The following POLN variants were observed in gnomAD, a reference collection of about 807,000 sequenced individuals.
POLN encodes DNA polymerase N.
Under a neutral mutation model 113.5 loss-of-function variants are expected in POLN, and 108 were observed. The observed-to-expected ratio is 0.95, with a 90% CI of 0.81 to 1.12. The LOEUF (loss-of-function observed/expected upper bound fraction) is 1.12, where lower values mean the gene tolerates loss of function less well. POLN is among the 50% of genes most tolerant of loss of function. POLN has a pLI of 0.00. For synonymous variants in POLN, 386 were observed against 391.5 expected (o/e 0.99, Z 0.17); for missense variants, 1,097 against 1,077.1 (o/e 1.02, Z -0.26).
chr4:2,074,497 A>ATTTCACACGTTT, intron 24 of POLN, among the ~76,000 whole-genome samples: 1 of 152,156 alleles, frequency 6.6e-6, no homozygotes, highest in Non-Finnish European at 1.5e-5. Context: ...AGCACACGTT[A>ATTTCACACGTTT]TACTTGTTAA....
At chr4:2,206,977 T>C (rs879137218) in intron 5 of POLN, among the ~76,000 whole-genome samples, 1 of 152,200 alleles carries the variant, frequency 6.6e-6, no homozygotes, top group Non-Finnish European at 1.5e-5. Flanking sequence ...AATTTGCAAT[T>C]GCAAAAACGT....
intron 19 of POLN, among the ~76,000 whole-genome samples, chr4:2,122,519 G>A (rs559309895): frequency 6.6e-6 from 1 of 152,248 alleles, no homozygotes; most frequent in South Asian, 2.1e-4. Flanking sequence ...GGAAATGCAA[G>A]TCAAAGCTCA....
chr4:2,175,296 G>A (rs1351471335), intron 9 of POLN, among the ~76,000 whole-genome samples: 1 of 152,026 alleles, frequency 6.6e-6, no homozygotes, highest in Non-Finnish European at 1.5e-5. Flanking sequence ...ATATAGATAG[G>A]TTCAAGTCAA....
intron 21 of POLN, 149 bp downstream of exon 21, chr4:2,085,464 A>T: frequency 9.8e-7 from 1 of 1,019,098 alleles, no homozygotes; most frequent in Non-Finnish European, 1.4e-6. Context: ...CTTCAGCCTT[A>T]TTTGTCCAAT....
chr4:2,111,495 C>T (rs550083792), intron 19 of POLN, among the ~76,000 whole-genome samples: 278 of 152,290 alleles, frequency 1.8e-3, no homozygotes, highest in African/African-American at 5.9e-3. Context: ...AAAACCCCAT[C>T]GTCTCAGCCC....
chr4:2,104,264 G>C (rs961630848), intron 19 of POLN, among the ~76,000 whole-genome samples: 2 of 152,180 alleles, frequency 1.3e-5, no homozygotes, highest in African/African-American at 4.8e-5. Context: ...CCACTGTATG[G>C]ATAGACCATA....
chr4:2,123,242 A>G (rs1442990769), intron 19 of POLN, among the ~76,000 whole-genome samples: 2 of 152,106 alleles, frequency 1.3e-5, no homozygotes, highest in Admixed American at 1.3e-4. Context: ...TAATCTCAGC[A>G]CTTTGGGAGG....
At position 2,071,996 on chromosome 4, in the gene POLN, G is replaced by T; in HGVS notation, c.*118C>A. The T allele has an allele frequency of 8.6e-7, 1 of 1,161,922 alleles. No individual in the cohort carries two copies. The highest frequency in any genetic ancestry group is 1.3e-6 in the Non-Finnish European group (1 of 770,632). 72.0% of individuals were successfully genotyped at this position (1,161,922 alleles called of 1,614,324 possible). ...ACAGGCATTTACTCCAGGGGATGGC[G>T]GGCCACCCCAGCCCCAAAGGGTTAA... is the stretch of plus-strand genomic sequence containing the variant. On this transcript the variant is annotated 3_prime_UTR_variant, in exon 26 of 26. Transcript: ENST00000511885. This position sits in a 1 kb window ranked among gnomAD's most constrained non-coding sequence, Gnocchi z 5.2.
chr4:2,089,340 AGACT>A (rs2108694946), intron 20 of POLN: 1 of 1,391,430 alleles, frequency 7.2e-7, no homozygotes, highest in Non-Finnish European at 9.9e-7. Context: ...TTCCTGGTGA[AGACT>A]GACAGTGATT....
chr4:2,238,561 A>G (rs770286821), intron 2 of POLN: 16 of 1,331,424 alleles, frequency 1.2e-5, no homozygotes, highest in Non-Finnish European at 1.6e-5. Flanking sequence ...TTTCGCAAAA[A>G]CAAAAGGAAA....
chr4:2,214,549 C>T (rs550601412), intron 3 of POLN, among the ~76,000 whole-genome samples: 2 of 152,174 alleles, frequency 1.3e-5, no homozygotes, highest in Admixed American at 6.5e-5. Context: ...AGAGGCAATA[C>T]ACAAAACAGA....
At chr4:2,120,749 C>T (rs1348688753) in intron 19 of POLN, among the ~76,000 whole-genome samples, 2 of 152,182 alleles carry the variant, frequency 1.3e-5, no homozygotes, top group Admixed American at 1.3e-4. Context: ...CCCACCTTGG[C>T]TTCCCAAAGT....
intron 16 of POLN, among the ~76,000 whole-genome samples, chr4:2,134,979 C>T (rs914444125): frequency 4.6e-5 from 7 of 152,174 alleles, no homozygotes; most frequent in Admixed American, 3.3e-4. Context: ...GTGCACGCAT[C>T]CCCCCAATAC....
At position 2,187,936 on chromosome 4, in the gene POLN, C is replaced by A. The variant is rs886680113; in HGVS notation, c.1021+5268G>T. Among the ~76,000 whole-genome samples, 7 of 152,000 alleles carry A rather than the reference C, an allele frequency of 4.6e-5. No homozygotes were observed. In the East Asian group the frequency reaches 1.2e-3, roughly 25 times the overall value. On this transcript the variant is annotated intron_variant, in intron 7 of 25. Transcript: ENST00000511885. ...CAGCAGCCAGGACAACATAGTGAGA[C>A]CCCTGTCTCTACAAAATAAAAATAA...
At chr4:2,230,507 T>G (rs1169233155) in intron 2 of POLN, 1 of 152,156 alleles carries the variant, frequency 6.6e-6, no homozygotes, top group Non-Finnish European at 1.5e-5. Context: ...AGGGAGCTGA[T>G]AGCAAAATCT....
chr4:2,202,584 C>A (rs1334794540), intron 5 of POLN, among the ~76,000 whole-genome samples: 2 of 151,780 alleles, frequency 1.3e-5, no homozygotes, highest in Non-Finnish European at 2.9e-5. Flanking sequence ...ATTAGTCAGG[C>A]GTGGTGGCTT....
intron 3 of POLN, among the ~76,000 whole-genome samples, chr4:2,214,659 T>G (rs1734069423): frequency 6.6e-6 from 1 of 151,954 alleles, no homozygotes; most frequent in Non-Finnish European, 1.5e-5. Flanking sequence ...CTGGTAAAAA[T>G]GTAAATAGAC....
rs543932207 is a variant in POLN, at chr4:2,123,229, C to T, written c.1982+4884G>A. On this transcript the variant is annotated intron_variant, in intron 19 of 25. Coordinates refer to ENST00000511885, the MANE Select transcript of POLN (RefSeq NM_181808.4). ...CTCAGCTGGGCGTGGTGGTTCACAC[C>T]TGTAATCTCAGCACTTTGGGAGGCT... Among the ~76,000 whole-genome samples the T allele has an allele frequency of 1.2e-3, 183 of 152,298 alleles. 2 individuals are homozygous for T. The highest frequency in any genetic ancestry group is 6.8e-3 in the Middle Eastern group (2 of 294).
At chr4:2,171,031 A>G in intron 12 of POLN, 67 bp downstream of exon 12, 1 of 1,371,766 alleles carries the variant, frequency 7.3e-7, no homozygotes, top group South Asian at 1.3e-5. Flanking sequence ...TATAAATTCA[A>G]AATAAATCTC....
Sources: gnomAD v4.1 joint callset for allele counts (sites outside exome capture counted in the v4.1 genomes callset) on GRCh38, gnomAD v4.1.1 for gene constraint, Gnocchi (gnomAD v3.1) non-coding constraint, MANE v1.5 for transcripts, NCBI Gene and HGNC (gene_info 2026-07-23, HGNC 2026-07-21) for gene names.